MGA: variants seen among roughly 807,000 people sequenced by gnomAD.
MGA encodes MAX gene-associated protein.
MGA carries 40 observed loss-of-function variants against 261.1 expected under a neutral mutation model. The ratio of observed to expected loss-of-function variants is 0.15; its 90% confidence interval spans 0.12 to 0.20. The LOEUF is 0.20. Ranked by LOEUF, MGA falls within the 10% of genes least tolerant of loss-of-function variation. MGA has a pLI of 1.00. For missense variants in MGA, 3,397 were observed against 3,630.5 expected (o/e 0.94, Z 1.65); for synonymous variants, 1,302 against 1,290.6 (o/e 1.01, Z -0.19).
intron 1 of MGA, among the ~76,000 whole-genome samples, chr15:41,642,320 T>C (rs1360213144): frequency 1.3e-5 from 2 of 151,650 alleles, no homozygotes; most frequent in Non-Finnish European, 2.9e-5. Context: ...TGTTTTTTTT[T>C]TTTTTTGAAA....
chr15:41,703,612 C>G (rs755310224), intron 5 of MGA, among the ~76,000 whole-genome samples: 1 of 152,078 alleles, frequency 6.6e-6, no homozygotes, highest in Non-Finnish European at 1.5e-5. Context: ...TGTGGTGGTG[C>G]GTGCCTGTAA....
chr15:41,700,448 A>G (rs572276244), intron 5 of MGA, among the ~76,000 whole-genome samples: 5 of 152,098 alleles, frequency 3.3e-5, no homozygotes, highest in Admixed American at 6.5e-5. Context: ...CCTTGCATCC[A>G]TGTGTTCTCA....
intron 1 of MGA, among the ~76,000 whole-genome samples, chr15:41,625,135 C>T (rs1445250809): frequency 6.6e-6 from 1 of 152,104 alleles, no homozygotes; most frequent in Non-Finnish European, 1.5e-5. Flanking sequence ...GAGTGAGACC[C>T]AGGCTCAACA....
At chr15:41,724,221 C>T (rs1402409878) in intron 9 of MGA, among the ~76,000 whole-genome samples, 1 of 152,162 alleles carries the variant, frequency 6.6e-6, no homozygotes, top group Non-Finnish European at 1.5e-5. Context: ...GGTAGAACCT[C>T]TTAATACCAC....
intron 5 of MGA, among the ~76,000 whole-genome samples, chr15:41,702,127 C>T (rs1345295987): frequency 6.6e-6 from 1 of 152,020 alleles, no homozygotes; most frequent in Non-Finnish European, 1.5e-5. Flanking sequence ...CGAGACTAGC[C>T]TGGCCAACGT....
chr15:41,746,435 C>T (rs1305279010), intron 15 of MGA, among the ~76,000 whole-genome samples: 2 of 150,696 alleles, frequency 1.3e-5, no homozygotes, highest in Admixed American at 6.7e-5. Flanking sequence ...ATCCTAGGTA[C>T]TCTGGAGGCT....
At chr15:41,753,335 C>T (rs536476911) in intron 17 of MGA, among the ~76,000 whole-genome samples, 10 of 151,016 alleles carry the variant, frequency 6.6e-5, no homozygotes, top group Admixed American at 1.3e-4. Context: ...GTTTGAATCC[C>T]GGGAGGTGGG....
At chr15:41,674,688 T>C (rs2151017233) in intron 2 of MGA, among the ~76,000 whole-genome samples, 1 of 152,214 alleles carries the variant, frequency 6.6e-6, no homozygotes, top group South Asian at 2.1e-4. Context: ...GCCAACTATT[T>C]TTTGTATTTT....
intron 5 of MGA, among the ~76,000 whole-genome samples, chr15:41,707,516 C>T (rs1313431277): frequency 2.6e-5 from 4 of 152,162 alleles, no homozygotes; most frequent in Non-Finnish European, 5.9e-5. Flanking sequence ...GGGAGTTATA[C>T]AAATGTGTAA....
intron 2 of MGA, among the ~76,000 whole-genome samples, chr15:41,686,640 T>C (rs2058987175): frequency 6.6e-6 from 1 of 152,192 alleles, no homozygotes; most frequent in Non-Finnish European, 1.5e-5. Flanking sequence ...CTCTTTATCA[T>C]GTTGAAATAC....
Position 41,750,188 on chromosome 15 carries a change from A to G in MGA, c.6581A>G (p.Lys2194Arg), listed in dbSNP as rs1248085500. Residue 2194 changes from lysine to arginine, a missense_variant, in exon 17 of 24, where the codon AAG (lysine) becomes AGG (arginine). Coordinates refer to ENST00000219905, the MANE Select transcript of MGA (RefSeq NM_001164273.2). ...TGTGTTGGAGCTTCACAGGAATGTA[A>G]GAAAGAGGCAGACGAGCAGTTAATT... 1 of 1,613,962 alleles carries G rather than the reference A, an allele frequency of 6.2e-7. No homozygotes were observed. Among genetic ancestry groups the G allele is most frequent in the East Asian group, 2.2e-5 (1 of 44,884 alleles).
chr15:41,649,076 A>T (rs1032250764), intron 1 of MGA, among the ~76,000 whole-genome samples: 10 of 152,124 alleles, frequency 6.6e-5, no homozygotes, highest in Non-Finnish European at 1.2e-4. Flanking sequence ...CTTAGGGTAC[A>T]ATGTAGAGGT....
Position 41,671,746 on chromosome 15 carries a change from A to G in MGA, c.1064+1788A>G, listed in dbSNP as rs2058072804. ...AAATTGTAGGCCACTAACAGCTACT[A>G]TTTTTTGAATTTGGAATCTCCGTGC... On this transcript the variant is annotated intron_variant, in intron 2 of 23. Coordinates refer to ENST00000219905, the MANE Select transcript of MGA (RefSeq NM_001164273.2). Among the ~76,000 whole-genome samples, 6 of 152,234 alleles carry G rather than the reference A, an allele frequency of 3.9e-5. No individual in the cohort carries two copies. In the Middle Eastern group the frequency reaches 0.014, roughly 345 times the overall value.
rs2056516850 is a variant in MGA at position 41,628,652 on chromosome 15, T to C, written c.-68+7354T>C. Among the ~76,000 whole-genome samples, 3 of 151,222 alleles carry C rather than the reference T, an allele frequency of 2.0e-5. No homozygotes were observed. In the South Asian group the frequency reaches 6.3e-4, roughly 32 times the overall value. ...CCAGAGTTGGGAGAGTGCTGGGGTATGAAGTGGTGGTGGTGGTGGTGCATG... is the reference window on the plus strand; with the variant it reads ...CCAGAGTTGGGAGAGTGCTGGGGTACGAAGTGGTGGTGGTGGTGGTGCATG... On this transcript the variant is annotated intron_variant, in intron 1 of 8. Coordinates refer to the MGA transcript ENST00000566718.
chr15:41,760,280 AC>A, intron 19 of MGA, 42 bp from the exon 20 acceptor site: 1 of 1,592,114 alleles, frequency 6.3e-7, no homozygotes, highest in Non-Finnish European at 8.6e-7. Flanking sequence ...AAGAGGGCCA[AC>A]TACATGTTCA....
intron 1 of MGA, among the ~76,000 whole-genome samples, chr15:41,646,580 C>T (rs1051636748): frequency 6.6e-6 from 1 of 151,962 alleles, no homozygotes; most frequent in South Asian, 2.1e-4. Context: ...ACCTTGGCCT[C>T]CCAAAGTTCT....
chr15:41,730,085 G>C (rs192327156), intron 11 of MGA, among the ~76,000 whole-genome samples: 237 of 152,080 alleles, frequency 1.6e-3, no homozygotes, highest in Admixed American at 3.8e-3. Flanking sequence ...GCAGAGATGG[G>C]GTTCCACTAT....
intron 2 of MGA, among the ~76,000 whole-genome samples, chr15:41,672,172 C>A (rs2058097847): frequency 6.6e-6 from 1 of 152,082 alleles, no homozygotes; most frequent in African/African-American, 2.4e-5. Context: ...GTTTGTTTTT[C>A]GAGATAGTGT....
In MGA at chr15:41,754,515, A is replaced by G; in HGVS notation, c.7087A>G (p.Asn2363Asp). The G allele has an allele frequency of 6.3e-7, 1 of 1,584,286 alleles. No individual in the cohort carries two copies. The highest frequency in any genetic ancestry group is 1.3e-5 in the African/African-American group (1 of 74,650). ...TGTAGAAGAGCTCTCAGAGGAAATT[A>G]ATGTTGCTCACCTGAAGACCACAGC... Residue 2363 changes from asparagine (N) to aspartate (D), a missense_variant, in exon 18 of 24, where the codon AAT becomes GAT. By Grantham distance (23) the Asn-to-Asp change is conservative (BLOSUM62 1). This residue lies in a region of MGA where 1,410 missense variants were observed against 1,386.4 expected (regional missense o/e 1.02). Coordinates refer to ENST00000219905, the MANE Select transcript of MGA (RefSeq NM_001164273.2).
Sources: gnomAD v4.1 joint callset for allele counts (sites outside exome capture counted in the v4.1 genomes callset) on GRCh38, gnomAD v4.1.1 for gene constraint, gnomAD v4.1.1 regional missense constraint, MANE v1.5 for transcripts, NCBI Gene and HGNC (gene_info 2026-07-23, HGNC 2026-07-21) for gene names.